The following TNR variants were observed in gnomAD, a reference collection of about 807,000 sequenced individuals.
TNR encodes the protein tenascin R, also known as tenascin-R.
TNR carries 45 observed loss-of-function variants against 150.4 expected under a neutral mutation model. The observed-to-expected ratio is 0.30, with a 90% CI of 0.24 to 0.38. The LOEUF (loss-of-function observed/expected upper bound fraction) is 0.38, where lower values mean the gene tolerates loss of function less well. Ranked by LOEUF, TNR falls within the 10% of genes least tolerant of loss-of-function variation. TNR has a pLI of 1.00. For synonymous variants in TNR, 687 were observed against 678.4 expected (o/e 1.01, Z -0.20); for missense variants, 1,544 against 1,759.1 (o/e 0.88, Z 2.19).
rs756769938 is a variant in TNR, at chr1:175,318,983, A to G, written c.*4374T>C. 12 of 152,238 alleles carry G rather than the reference A, an allele frequency of 7.9e-5. No individual in the cohort carries two copies. The highest frequency in any genetic ancestry group is 6.5e-4 in the Admixed American group (10 of 15,284). 9.4% of individuals were successfully genotyped at this position (152,238 alleles called of 1,614,324 possible). A position where few individuals can be genotyped will look rare whatever the true frequency, so the allele number is the denominator to read the frequency against. On this transcript the variant is annotated 3_prime_UTR_variant, in exon 23 of 23. Transcript: ENST00000367674. Reference sequence around the variant, plus strand: ...TTGAATCTTTCAGAGGTTTCTTAATAAAAATTTAAGAGTGGACAGTGAGAT... The same window carrying G: ...TTGAATCTTTCAGAGGTTTCTTAATGAAAATTTAAGAGTGGACAGTGAGAT...
chr1:175,642,001 A>G (rs1345123675), intron 1 of TNR, among the ~76,000 whole-genome samples: 1 of 152,196 alleles, frequency 6.6e-6, no homozygotes, highest in Non-Finnish European at 1.5e-5. Context: ...TGTCCCTGCT[A>G]TCAAGTAGGT....
intron 8 of TNR, among the ~76,000 whole-genome samples, chr1:175,380,699 C>T (rs1010406298): frequency 6.6e-6 from 1 of 152,206 alleles, no homozygotes; most frequent in Non-Finnish European, 1.5e-5. Context: ...GACGGGGACA[C>T]TGCTTTTTTT....
intron 2 of TNR, among the ~76,000 whole-genome samples, chr1:175,503,961 G>C (rs141390204): frequency 5.1e-4 from 77 of 152,300 alleles, no homozygotes; most frequent in African/African-American, 1.8e-3. Context: ...TATTGACAAA[G>C]GGCTTCTAGT....
chr1:175,453,295 G>A (rs1656406612), intron 2 of TNR, among the ~76,000 whole-genome samples: 1 of 152,094 alleles, frequency 6.6e-6, no homozygotes, highest in South Asian at 2.1e-4. Context: ...TGGAAATAAA[G>A]CTGAGCCAGA....
intron 1 of TNR, among the ~76,000 whole-genome samples, chr1:175,549,802 C>A (rs912035857): frequency 6.6e-6 from 1 of 152,126 alleles, no homozygotes. Context: ...CTGCCATCAA[C>A]CTGGAGTAGC....
chr1:175,527,994 A>G (rs1234169445), intron 2 of TNR, among the ~76,000 whole-genome samples: 1 of 152,256 alleles, frequency 6.6e-6, no homozygotes, highest in South Asian at 2.1e-4. Flanking sequence ...GACTGAGCAC[A>G]GTAACACACT....
chr1:175,690,133 C>T (rs532134203), intron 1 of TNR, among the ~76,000 whole-genome samples: 12 of 152,212 alleles, frequency 7.9e-5, no homozygotes, highest in African/African-American at 2.6e-4. Flanking sequence ...GGCTTAGATC[C>T]GGGCCAAAGC....
chr1:175,703,835 G>C (rs12076327), intron 1 of TNR, among the ~76,000 whole-genome samples: 3,480 of 152,284 alleles, frequency 0.023, 120 homozygotes, highest in African/African-American at 0.075. Flanking sequence ...GCGTATAGGG[G>C]TATGGGCTCT....
chr1:175,696,605 C>A (rs1666533587), intron 1 of TNR, among the ~76,000 whole-genome samples: 1 of 152,118 alleles, frequency 6.6e-6, no homozygotes, highest in Non-Finnish European at 1.5e-5. Flanking sequence ...AAGGCCCCAA[C>A]CGATTTTAAA....
chr1:175,363,690 A>C lies in TNR; in HGVS notation c.2707+18T>G. The C allele has an allele frequency of 6.2e-7, 1 of 1,610,848 alleles. No homozygotes were observed. Among genetic ancestry groups the C allele is most frequent in the African/African-American group, 1.3e-5 (1 of 74,894 alleles). On this transcript the variant is annotated intron_variant, in intron 13 of 22. Coordinates refer to ENST00000367674, the MANE Select transcript of TNR (RefSeq NM_003285.3). ...ACCCAAATCCTAGTATCTTTGAGAAATCAAATCACTTTGTTACCTTGGGTG... is the reference window on the plus strand; with the variant it reads ...ACCCAAATCCTAGTATCTTTGAGAACTCAAATCACTTTGTTACCTTGGGTG...
At chr1:175,703,971 C>T (rs1354939565) in intron 1 of TNR, among the ~76,000 whole-genome samples, 1 of 152,090 alleles carries the variant, frequency 6.6e-6, no homozygotes, top group Non-Finnish European at 1.5e-5. Context: ...GTATGGTAGT[C>T]AAAGAGGACT....
chr1:175,340,560 G>C (rs944834776), intron 18 of TNR, among the ~76,000 whole-genome samples: 7 of 152,154 alleles, frequency 4.6e-5, no homozygotes, highest in Admixed American at 2.6e-4. Context: ...GCTCACTAAT[G>C]GTTCTCAGAC....
chr1:175,548,244 T>A (rs1161421241), intron 1 of TNR, among the ~76,000 whole-genome samples: 3 of 152,094 alleles, frequency 2.0e-5, no homozygotes, highest in Admixed American at 2.0e-4. Context: ...TAGAACCCTG[T>A]CTCTCCACTC....
chr1:175,452,123 C>A (rs77640218), intron 2 of TNR, among the ~76,000 whole-genome samples: 6,633 of 152,276 alleles, frequency 0.044, 235 homozygotes, highest in African/African-American at 0.1. Flanking sequence ...TGCACCGGTG[C>A]CTCCCTTCTG....
chr1:175,543,572 C>T (rs1660579135), intron 1 of TNR, among the ~76,000 whole-genome samples: 1 of 152,094 alleles, frequency 6.6e-6, no homozygotes. Flanking sequence ...TTTATTTATC[C>T]CTTCCTTTAA....
chr1:175,383,891 T>A (rs1400324902), intron 8 of TNR, among the ~76,000 whole-genome samples: 2 of 152,176 alleles, frequency 1.3e-5, no homozygotes, highest in Non-Finnish European at 2.9e-5. Flanking sequence ...AGGTGTAGGC[T>A]GAGGCTGTAT....
intron 18 of TNR, among the ~76,000 whole-genome samples, chr1:175,351,488 C>CA (rs1469593027): frequency 4.6e-5 from 7 of 152,198 alleles, no homozygotes; most frequent in Non-Finnish European, 1.0e-4. Flanking sequence ...CTTATCCCTA[C>CA]AAGGGGTATT....
chr1:175,574,074 G>A (rs189911579), intron 1 of TNR, among the ~76,000 whole-genome samples: 48 of 152,138 alleles, frequency 3.2e-4, no homozygotes, highest in African/African-American at 1.1e-3. Flanking sequence ...GAGGTGGTGG[G>A]AGTGGGCGTG....
At chr1:175,418,813 G>T (rs182497400) in intron 2 of TNR, among the ~76,000 whole-genome samples, 67 of 152,200 alleles carry the variant, frequency 4.4e-4, no homozygotes, top group African/African-American at 1.6e-3. Flanking sequence ...ACAATGTAGG[G>T]GTGATTGTAT....
Sources: gnomAD v4.1 joint callset for allele counts (sites outside exome capture counted in the v4.1 genomes callset) on GRCh38, gnomAD v4.1.1 for gene constraint, MANE v1.5 for transcripts, NCBI Gene and HGNC (gene_info 2026-07-23, HGNC 2026-07-21) for gene names.